RABGAP1L: variants seen among roughly 807,000 people sequenced by gnomAD.
The protein encoded by RABGAP1L is rab GTPase-activating protein 1-like.
In RABGAP1L, 63 loss-of-function variants were observed where a neutral mutation model predicts 137.7. The observed-to-expected ratio is 0.46, with a 90% CI of 0.37 to 0.56. RABGAP1L has a LOEUF of 0.56. RABGAP1L is among the 20% of genes least tolerant of loss of function. The probability of loss-of-function intolerance (pLI) is 0.00; values close to 1 mark genes in which losing one functional copy is unlikely to be tolerated. For synonymous variants in RABGAP1L, 431 were observed against 433.7 expected (o/e 0.99, Z 0.08); for missense variants, 1,095 against 1,244.0 (o/e 0.88, Z 1.80).
chr1:174,446,963 C>A (rs1654842589), intron 13 of RABGAP1L, among the ~76,000 whole-genome samples: 1 of 152,120 alleles, frequency 6.6e-6, no homozygotes, highest in African/African-American at 2.4e-5. Context: ...GTTTTATTGT[C>A]TAACTTTATA....
chr1:174,436,290 G>C (rs528640806), intron 13 of RABGAP1L, among the ~76,000 whole-genome samples: 4 of 152,092 alleles, frequency 2.6e-5, no homozygotes, highest in Admixed American at 2.6e-4. Context: ...AAAGTGTCCT[G>C]TTTCTCCACA....
At chr1:174,967,730 T>G (rs755111720) in intron 20 of RABGAP1L, among the ~76,000 whole-genome samples, 20 of 151,976 alleles carry the variant, frequency 1.3e-4, no homozygotes, top group Non-Finnish European at 2.9e-4. Flanking sequence ...CAAGCAATCC[T>G]CCGGTCTCAG....
intron 20 of RABGAP1L, chr1:174,965,068 T>C (rs1669497973): frequency 1.2e-5 from 13 of 1,052,872 alleles, no homozygotes; most frequent in Non-Finnish European, 1.8e-5. Context: ...TCCCAAAAGT[T>C]ACTAACCAAA....
At chr1:174,938,227 T>G (rs1056631799) in intron 19 of RABGAP1L, among the ~76,000 whole-genome samples, 10 of 152,210 alleles carry the variant, frequency 6.6e-5, no homozygotes, top group Non-Finnish European at 1.3e-4. Context: ...CAATACTGTA[T>G]GTCTGTAGAT....
At chr1:174,952,957 G>A (rs1445841974) in intron 19 of RABGAP1L, among the ~76,000 whole-genome samples, 1 of 147,350 alleles carries the variant, frequency 6.8e-6, no homozygotes, top group Non-Finnish European at 1.5e-5. Flanking sequence ...GAGGTTAGGA[G>A]TTCAAGAGCA....
chr1:174,511,822 A>G (rs1166099461), intron 13 of RABGAP1L, among the ~76,000 whole-genome samples: 1 of 152,052 alleles, frequency 6.6e-6, no homozygotes, highest in African/African-American at 2.4e-5. Context: ...GGGTTTCTCC[A>G]TGTTGAGGCT....
At chr1:174,270,195 C>CT (rs758618582) in intron 7 of RABGAP1L, among the ~76,000 whole-genome samples, 147 of 139,352 alleles carry the variant, frequency 1.1e-3, no homozygotes, top group African/African-American at 1.7e-3. Flanking sequence ...GGTGGCAGGG[C>CT]TTTTTTTTTT....
intron 13 of RABGAP1L, among the ~76,000 whole-genome samples, chr1:174,551,021 T>TATATATACATACAC (rs1553330343): frequency 8.1e-6 from 1 of 122,816 alleles, no homozygotes; most frequent in African/African-American, 3.8e-5. Flanking sequence ...TATATATATA[T>TATATATACATACAC]ACATACACAC....
intron 3 of RABGAP1L, 44 bp downstream of exon 3, chr1:174,221,208 A>G (rs1669726466): frequency 2.2e-6 from 3 of 1,350,852 alleles, no homozygotes; most frequent in East Asian, 2.7e-5. Flanking sequence ...AATGGGATAA[A>G]GTAATAGTGA....
At chr1:174,345,747 G>T (rs1483705971) in intron 11 of RABGAP1L, among the ~76,000 whole-genome samples, 3 of 152,062 alleles carry the variant, frequency 2.0e-5, no homozygotes, top group Non-Finnish European at 4.4e-5. Context: ...TTTCTTTTGT[G>T]TAATTGCTCT....
chr1:174,586,234 T>C (rs1669103618), intron 13 of RABGAP1L, among the ~76,000 whole-genome samples: 1 of 152,114 alleles, frequency 6.6e-6, no homozygotes, highest in Non-Finnish European at 1.5e-5. Context: ...GGGACATGGA[T>C]GAAGCTGGAA....
chr1:174,382,323 C>G (rs1239821116), intron 12 of RABGAP1L, among the ~76,000 whole-genome samples: 1 of 13,250 alleles, frequency 7.5e-5, no homozygotes, highest in Non-Finnish European at 1.4e-4. Flanking sequence ...TTTCCTGAAT[C>G]TGAACGTTGG....
At chr1:174,635,230 T>A (rs954607151) in intron 13 of RABGAP1L, among the ~76,000 whole-genome samples, 2 of 152,162 alleles carry the variant, frequency 1.3e-5, no homozygotes, top group Non-Finnish European at 2.9e-5. Flanking sequence ...AGTCCAACGA[T>A]TTCTCTCTCT....
chr1:174,257,804 T>C (rs1020050514), intron 7 of RABGAP1L, among the ~76,000 whole-genome samples: 5 of 152,228 alleles, frequency 3.3e-5, no homozygotes, highest in Non-Finnish European at 1.5e-5. Context: ...ATTGGTTTTA[T>C]TTCTTTGTTA....
intron 12 of RABGAP1L, among the ~76,000 whole-genome samples, chr1:174,383,281 AG>A (rs1163594308): frequency 6.7e-6 from 1 of 150,218 alleles, no homozygotes; most frequent in African/African-American, 2.5e-5. Flanking sequence ...GAGCCTACAG[AG>A]GCAGGCAGGC....
intron 23 of RABGAP1L, among the ~76,000 whole-genome samples, chr1:174,980,774 T>G (rs1026773109): frequency 6.6e-6 from 1 of 152,176 alleles, no homozygotes; most frequent in Non-Finnish European, 1.5e-5. Flanking sequence ...TTGGCACTAA[T>G]CTGTCCCAGT....
chr1:174,827,237 T>C (rs1343150620), intron 19 of RABGAP1L, among the ~76,000 whole-genome samples: 1 of 152,216 alleles, frequency 6.6e-6, no homozygotes, highest in African/African-American at 2.4e-5. Context: ...CTTGAACTAC[T>C]GGGCTCAAAC....
intron 18 of RABGAP1L, among the ~76,000 whole-genome samples, chr1:174,762,588 T>G (rs915918597): frequency 2.0e-5 from 3 of 152,222 alleles, no homozygotes; most frequent in Admixed American, 1.3e-4. Context: ...TGGTTGGTTG[T>G]TGTCTTCCTC....
intron 1 of RABGAP1L, among the ~76,000 whole-genome samples, chr1:174,167,288 T>C (rs1422918400): frequency 6.6e-6 from 1 of 152,246 alleles, no homozygotes; most frequent in African/African-American, 2.4e-5. Flanking sequence ...TGCCACCATT[T>C]TTTTTGTGTG....
Sources: gnomAD v4.1 joint callset for allele counts (sites outside exome capture counted in the v4.1 genomes callset) on GRCh38, gnomAD v4.1.1 for gene constraint, MANE v1.5 for transcripts, NCBI Gene and HGNC (gene_info 2026-07-23, HGNC 2026-07-21) for gene names.